NID1: variants seen among roughly 807,000 people sequenced by gnomAD.
NID1 encodes the protein nidogen 1.
Under a neutral mutation model 130.6 loss-of-function variants are expected in NID1, and 76 were observed. That is an observed-to-expected ratio of 0.58 (90% CI 0.48 to 0.70). NID1 has a LOEUF of 0.70. Among genes scored for constraint, NID1 ranks in the 30% least tolerant of loss-of-function variants. The pLI, the probability that NID1 is intolerant of heterozygous loss-of-function variation, is 0.00. For synonymous variants in NID1, 665 were observed against 675.1 expected, an observed-to-expected ratio of 0.98 and a Z score of 0.23; for missense variants, 1,517 against 1,664.8, an observed-to-expected ratio of 0.91 and a Z score of 1.54.
chr1:235,984,188 A>G (rs960876720), intron 15 of NID1, among the ~76,000 whole-genome samples: 3 of 152,202 alleles, frequency 2.0e-5, no homozygotes, highest in African/African-American at 7.2e-5. Flanking sequence ...TGGGTTTTAA[A>G]ATGAAATCAT....
intron 5 of NID1, among the ~76,000 whole-genome samples, chr1:236,033,083 A>G (rs1659148306): frequency 6.6e-6 from 1 of 152,158 alleles, no homozygotes; most frequent in African/African-American, 2.4e-5. Context: ...CGAGGCAGGC[A>G]GATCACCTGA....
At chr1:236,057,418 T>C (rs1431927226) in intron 1 of NID1, among the ~76,000 whole-genome samples, 1 of 152,038 alleles carries the variant, frequency 6.6e-6, no homozygotes, top group Admixed American at 6.6e-5. Context: ...CTTTTGGATC[T>C]ATGATTCCCT....
chr1:236,017,746 GA>G (rs1465245336), intron 9 of NID1, among the ~76,000 whole-genome samples: 2 of 152,132 alleles, frequency 1.3e-5, no homozygotes, highest in African/African-American at 4.8e-5. Flanking sequence ...TGCATAACTG[GA>G]GAGAGTGATC....
chr1:236,029,829 T>C, intron 6 of NID1, 79 bp from the exon 7 acceptor site: 1 of 1,419,248 alleles, frequency 7.0e-7, no homozygotes, highest in Non-Finnish European at 9.9e-7. Flanking sequence ...CAGTGTGGAG[T>C]GGGGTTGGTG....
intron 10 of NID1, among the ~76,000 whole-genome samples, chr1:236,013,970 A>T (rs1558433129): frequency 6.6e-6 from 1 of 152,178 alleles, no homozygotes; most frequent in Non-Finnish European, 1.5e-5. Flanking sequence ...GGAGGAAAGG[A>T]GCTGAGACTT....
intron 3 of NID1, 139 bp from the exon 4 acceptor site, chr1:236,042,431 CTG>C (rs1483412805): frequency 8.9e-7 from 1 of 1,117,868 alleles, no homozygotes; most frequent in Non-Finnish European, 1.3e-6. Flanking sequence ...TGGAAGGGCA[CTG>C]GCCGTCATGT....
At chr1:236,020,631 G>A (rs1171496347) in intron 9 of NID1, among the ~76,000 whole-genome samples, 1 of 152,122 alleles carries the variant, frequency 6.6e-6, no homozygotes, top group Non-Finnish European at 1.5e-5. Context: ...TATCAGCGCT[G>A]CACACACTGA....
At chr1:236,039,367 T>C (rs1156742946) in intron 4 of NID1, among the ~76,000 whole-genome samples, 2 of 151,572 alleles carry the variant, frequency 1.3e-5, no homozygotes, top group African/African-American at 4.8e-5. Flanking sequence ...GCGGGTGCCA[T>C]TGTGCCTGGC....
chr1:235,986,433 C>CA (rs5781855), intron 14 of NID1, among the ~76,000 whole-genome samples: 50 of 148,196 alleles, frequency 3.4e-4, no homozygotes, highest in South Asian at 6.4e-4. Flanking sequence ...GTGACAGCAT[C>CA]AAAAAAAAAA....
At chr1:235,981,446 G>A (rs1010324853) in intron 16 of NID1, among the ~76,000 whole-genome samples, 165 bp downstream of exon 16, 3 of 152,162 alleles carry the variant, frequency 2.0e-5, no homozygotes, top group Non-Finnish European at 4.4e-5. Context: ...ACATGTTCTG[G>A]CATTGTACCG....
At chr1:236,002,761 A>G (rs1558428411) in intron 12 of NID1, among the ~76,000 whole-genome samples, 1 of 152,006 alleles carries the variant, frequency 6.6e-6, no homozygotes, top group Non-Finnish European at 1.5e-5. Context: ...CTCAGCGATC[A>G]CTCCGCGGAT....
chr1:236,024,101 G>T lies in NID1; in HGVS notation c.2097C>A (p.Ile699=), dbSNP rs200711810. The T allele has an allele frequency of 1.9e-4, 309 of 1,614,214 alleles. 1 individual carries two copies. The highest frequency in any genetic ancestry group is 1.3e-3 in the Middle Eastern group (8 of 6,036). The change falls in exon 9 of 20, where the codon ATC becomes ATA. Residue 699 remains isoleucine, a synonymous_variant. Coordinates refer to ENST00000264187, the MANE Select transcript of NID1 (RefSeq NM_002508.3). ...PRTQFTCECS[I]GFRGDGRTCY... is the part of the protein sequence containing the mutation. ...AGGTTCGCCCGTCTCCTCGGAAGCC[G>T]ATGGAGCACTCGCAGGTGAACTGTG...
chr1:236,046,182 C>T (rs1261329570), intron 2 of NID1, among the ~76,000 whole-genome samples: 2 of 152,122 alleles, frequency 1.3e-5, no homozygotes, highest in Non-Finnish European at 2.9e-5. Flanking sequence ...GTGACTTGGG[C>T]GTGATACTTG....
At chr1:236,020,072 CT>C (rs1165884881) in intron 9 of NID1, among the ~76,000 whole-genome samples, 1 of 137,840 alleles carries the variant, frequency 7.3e-6, no homozygotes, top group Non-Finnish European at 1.6e-5. Flanking sequence ...AAACAAACTT[CT>C]TTTCTATAAA....
At chr1:236,055,029 G>A (rs181879203) in intron 1 of NID1, among the ~76,000 whole-genome samples, 12 of 152,226 alleles carry the variant, frequency 7.9e-5, no homozygotes, top group South Asian at 4.2e-4. Flanking sequence ...TCAGGGCCGC[G>A]TGCGGTGGCT....
chr1:236,048,401 G>A (rs1239615624), intron 2 of NID1, among the ~76,000 whole-genome samples: 1 of 152,142 alleles, frequency 6.6e-6, no homozygotes, highest in African/African-American at 2.4e-5. Flanking sequence ...CCTGAGGTAA[G>A]AGCAGCCAGG....
rs934192850 is a variant in NID1, at chr1:236,051,099, AAAG to A, written c.226-2113_226-2111del. ...AGAGTGTCTCGAAAAAAAAAGAGAG[AAAG>A]AAGAAGATTCCCTAATCAAAAGGGA... On this transcript the variant is annotated intron_variant, in intron 1 of 19. Coordinates refer to ENST00000264187, the MANE Select transcript of NID1 (RefSeq NM_002508.3). 4.6e-3 allele frequency among the ~76,000 whole-genome samples: 707 copies of A among 152,262 alleles called. 6 individuals carry two copies. Among genetic ancestry groups the A allele is most frequent in the African/African-American group, 0.016 (653 of 41,542 alleles).
In NID1 at chr1:236,024,414, A is replaced by G. The variant is rs538582144; in HGVS notation, c.1985-201T>C. ...TCCCTGTTCTTGTAAATAAAGTTTT[A>G]TTAGCAACCAGCAACGTCCATTTAT... On this transcript the variant is annotated intron_variant, in intron 8 of 19. Coordinates refer to ENST00000264187, the MANE Select transcript of NID1 (RefSeq NM_002508.3). Among the ~76,000 whole-genome samples, 5 of 152,350 alleles carry G rather than the reference A, an allele frequency of 3.3e-5. No individual in the cohort carries two copies. In the South Asian group the frequency reaches 8.3e-4, roughly 25 times the overall value.
intron 9 of NID1, among the ~76,000 whole-genome samples, chr1:236,018,060 AG>A (rs1658653968): frequency 1.3e-5 from 2 of 152,336 alleles, no homozygotes; most frequent in Non-Finnish European, 1.5e-5. Context: ...AATATTATCT[AG>A]GGCTTAATGG....
Sources: allele counts gnomAD v4.1 joint callset (sites outside exome capture counted in the v4.1 genomes callset), GRCh38; gene constraint gnomAD v4.1.1; transcripts MANE v1.5; gene names NCBI Gene and HGNC (gene_info 2026-07-23, HGNC 2026-07-21).